Variants in RORA observed in about 807,000 individuals in gnomAD.
RORA encodes the protein nuclear receptor ROR-alpha.
RORA carries 7 observed loss-of-function variants against 69.5 expected under a neutral mutation model. The observed-to-expected ratio is 0.10, with a 90% confidence interval of 0.06 to 0.19. The LOEUF (loss-of-function observed/expected upper bound fraction) is 0.19. RORA is among the 10% of genes least tolerant of loss of function. The probability of loss-of-function intolerance (pLI) is 1.00; values close to 1 mark genes in which losing one functional copy is unlikely to be tolerated. For synonymous variants in RORA, 261 were observed against 240.8 expected (o/e 1.08, Z -0.78); for missense variants, 457 against 663.0 (o/e 0.69, Z 3.41).
chr15:60,871,679 G>T (rs543766820), intron 1 of RORA, among the ~76,000 whole-genome samples: 1 of 152,260 alleles, frequency 6.6e-6, no homozygotes, highest in Admixed American at 6.5e-5. Context: ...GCTCTCTCTT[G>T]TCCAGTCTAG....
chr15:61,024,376 T>C (rs1388470106), intron 1 of RORA, among the ~76,000 whole-genome samples: 1 of 140,736 alleles, frequency 7.1e-6, no homozygotes, highest in Non-Finnish European at 1.5e-5. Context: ...TTTCACCTCC[T>C]ACACTCAGGT....
Position 60,638,985 on chromosome 15 carries a change from G to A in RORA, c.196+39672C>T, listed in dbSNP as rs1378071762. Among the ~76,000 whole-genome samples the A allele has an allele frequency of 1.3e-5, 2 of 152,110 alleles. 1 individual carries two copies. Among genetic ancestry groups the A allele is most frequent in the African/African-American group, 4.8e-5 (2 of 41,412 alleles). On this transcript the variant is annotated intron_variant, in intron 2 of 10. Transcript: ENST00000335670. ...CTCTGGCTGACCAACGGGGATGAGG[G>A]TCAGAGTCACGGGCAATATACTATA...
intron 1 of RORA, among the ~76,000 whole-genome samples, chr15:60,872,149 C>T (rs1017234076): frequency 1.3e-5 from 2 of 152,068 alleles, no homozygotes; most frequent in Non-Finnish European, 2.9e-5. Flanking sequence ...GTAGGAGCTC[C>T]ATGTCTGAGG....
chr15:60,975,913 C>T (rs1893861025), intron 1 of RORA, among the ~76,000 whole-genome samples: 1 of 152,200 alleles, frequency 6.6e-6, no homozygotes, highest in African/African-American at 2.4e-5. Flanking sequence ...TAAGAGTTGG[C>T]ATTTGCATTT....
At chr15:60,964,225 T>A (rs570798744) in intron 1 of RORA, among the ~76,000 whole-genome samples, 52 of 152,352 alleles carry the variant, frequency 3.4e-4, no homozygotes, top group African/African-American at 1.2e-3. Context: ...TGGGGCTCTA[T>A]GGAATATTTT....
chr15:61,134,180 G>C (rs2140849768), intron 1 of RORA, among the ~76,000 whole-genome samples: 1 of 152,264 alleles, frequency 6.6e-6, no homozygotes, highest in East Asian at 1.9e-4. Context: ...CCCTCCCTCA[G>C]AGTCTAAGAA....
chr15:60,943,359 T>C (rs1020190194), intron 1 of RORA, among the ~76,000 whole-genome samples: 2 of 152,102 alleles, frequency 1.3e-5, no homozygotes, highest in African/African-American at 4.8e-5. Context: ...ATTCTGATTC[T>C]ATTCAATCTT....
chr15:61,211,119 A>G (rs2079987238), intron 1 of RORA, among the ~76,000 whole-genome samples: 1 of 152,190 alleles, frequency 6.6e-6, no homozygotes, highest in Non-Finnish European at 1.5e-5. Flanking sequence ...TAAACAGCCC[A>G]AAGAAAGGCT....
chr15:60,779,504 C>A (rs370088012), intron 1 of RORA, among the ~76,000 whole-genome samples: 9 of 152,296 alleles, frequency 5.9e-5, no homozygotes, highest in African/African-American at 2.2e-4. Context: ...ACTGCACCTG[C>A]TGCTGTGGAA....
chr15:60,741,570 TTGGCTCCTCCCTGTC>T (rs1182413149), intron 1 of RORA, among the ~76,000 whole-genome samples: 1 of 152,200 alleles, frequency 6.6e-6, no homozygotes, highest in Non-Finnish European at 1.5e-5. Context: ...GAGACTGCTG[TTGGCTCCTCCCTGTC>T]TGGCCCTGGA....
intron 2 of RORA, among the ~76,000 whole-genome samples, chr15:60,664,855 G>C (rs539292929): frequency 6.6e-6 from 1 of 152,212 alleles, no homozygotes; most frequent in African/African-American, 2.4e-5. Context: ...ATACTGCAGG[G>C]GATAATTTTG....
intron 1 of RORA, among the ~76,000 whole-genome samples, chr15:61,036,390 C>T (rs1896459036): frequency 6.6e-6 from 1 of 152,088 alleles, no homozygotes; most frequent in African/African-American, 2.4e-5. Flanking sequence ...GCGGAAAGCA[C>T]AAAGCAGGAT....
chr15:60,996,837 G>C (rs565887734), intron 1 of RORA, among the ~76,000 whole-genome samples: 1 of 152,054 alleles, frequency 6.6e-6, no homozygotes, highest in Non-Finnish European at 1.5e-5. Context: ...GTGAACCCAG[G>C]AGGCGGAGCT....
At chr15:61,029,562 A>C (rs1896030779) in intron 1 of RORA, among the ~76,000 whole-genome samples, 1 of 152,190 alleles carries the variant, frequency 6.6e-6, no homozygotes, top group South Asian at 2.1e-4. Flanking sequence ...TGTGTAGGCC[A>C]GTTGAGAGGC....
At chr15:61,110,030 A>G (rs2078988760) in intron 1 of RORA, among the ~76,000 whole-genome samples, 1 of 135,452 alleles carries the variant, frequency 7.4e-6, no homozygotes, top group Non-Finnish European at 1.6e-5. Context: ...AAAATGTCTT[A>G]TGGCAATGAG....
chr15:60,620,816 T>G (rs2069383731), intron 2 of RORA, among the ~76,000 whole-genome samples: 1 of 152,246 alleles, frequency 6.6e-6, no homozygotes, highest in African/African-American at 2.4e-5. Flanking sequence ...ACCCTGGCGC[T>G]GATGGCTGCT....
chr15:61,155,773 G>A (rs79671947), intron 1 of RORA, among the ~76,000 whole-genome samples: 1 of 152,186 alleles, frequency 6.6e-6, no homozygotes, highest in Admixed American at 6.5e-5. Context: ...AAAGGCTGAT[G>A]ATGTGTTTAC....
chr15:61,077,282 G>A (rs1194577081), intron 1 of RORA, among the ~76,000 whole-genome samples: 5 of 152,152 alleles, frequency 3.3e-5, no homozygotes, highest in Non-Finnish European at 7.4e-5. Context: ...ACAAACAAAT[G>A]ATTTTAGAAG....
At position 60,629,035 on chromosome 15, in the gene RORA, C is replaced by G. The variant is rs187039384; in HGVS notation, c.196+49622G>C. Among the ~76,000 whole-genome samples the G allele has an allele frequency of 4.3e-4, 66 of 152,238 alleles. 1 individual carries two copies. The highest frequency in any genetic ancestry group is 3.9e-3 in the Admixed American group (60 of 15,290). On this transcript the variant is annotated intron_variant, in intron 2 of 10. Coordinates refer to ENST00000335670, the MANE Select transcript of RORA (RefSeq NM_134261.3). ...TATTTCTACCCCTCTTCTCTCATGG[C>G]TGGCAGGCTTCTCATTCTTGAGGCC...
Sources: gnomAD v4.1 joint callset for allele counts (sites outside exome capture counted in the v4.1 genomes callset) on GRCh38, gnomAD v4.1.1 for gene constraint, MANE v1.5 for transcripts, NCBI Gene and HGNC (gene_info 2026-07-23, HGNC 2026-07-21) for gene names.